FMN1: variants seen among roughly 807,000 people sequenced by gnomAD.
The protein encoded by FMN1 is formin 1.
Under a neutral mutation model 132.4 loss-of-function variants are expected in FMN1, and 110 were observed. The observed-to-expected ratio is 0.83, with a 90% CI of 0.71 to 0.97. FMN1 has a LOEUF of 0.97. FMN1 is among the 50% of genes least tolerant of loss of function. FMN1 has a pLI of 0.00. For synonymous variants in FMN1, 722 were observed against 651.7 expected (o/e 1.11, Z -1.64); for missense variants, 1,792 against 1,705.3 (o/e 1.05, Z -0.90).
intron 6 of FMN1, among the ~76,000 whole-genome samples, chr15:33,039,606 C>T (rs2036336994): frequency 6.6e-6 from 1 of 152,184 alleles, no homozygotes; most frequent in South Asian, 2.1e-4. Context: ...TTAAGCCCTA[C>T]ATCTGCCCCA....
chr15:33,103,217 A>G (rs1595476075), intron 4 of FMN1, among the ~76,000 whole-genome samples: 1 of 152,092 alleles, frequency 6.6e-6, no homozygotes, highest in East Asian at 1.9e-4. Flanking sequence ...AACACTTACT[A>G]TTGAGCTTAG....
intron 4 of FMN1, among the ~76,000 whole-genome samples, chr15:33,143,756 C>T (rs1185227435): frequency 1.3e-5 from 2 of 152,134 alleles, no homozygotes; most frequent in Non-Finnish European, 2.9e-5. Context: ...TAATTAAAGT[C>T]AACAATCATA....
intron 7 of FMN1, among the ~76,000 whole-genome samples, chr15:32,992,514 T>C (rs1367612609): frequency 6.6e-6 from 1 of 152,162 alleles, no homozygotes; most frequent in East Asian, 1.9e-4. Context: ...AATTTATTCA[T>C]CAATGGCAGA....
intron 4 of FMN1, chr15:33,151,325 C>G (rs553169764): frequency 6.5e-7 from 1 of 1,536,472 alleles, no homozygotes; most frequent in African/African-American, 1.4e-5. Context: ...ACAGGAGATG[C>G]TTACAGTTCT....
chr15:32,855,276 C>A (rs1446921795), intron 17 of FMN1, among the ~76,000 whole-genome samples: 3 of 150,012 alleles, frequency 2.0e-5, no homozygotes, highest in Non-Finnish European at 4.4e-5. Flanking sequence ...TTTAAAAAAT[C>A]TCCTAAGTGA....
At chr15:32,779,664 G>A (rs1480330186) in intron 19 of FMN1, among the ~76,000 whole-genome samples, 1 of 152,134 alleles carries the variant, frequency 6.6e-6, no homozygotes, top group African/African-American at 2.4e-5. Flanking sequence ...TGATATATGA[G>A]AATAGCAAAT....
chr15:33,181,701 T>C (rs987869411), intron 2 of FMN1, among the ~76,000 whole-genome samples: 1 of 143,474 alleles, frequency 7.0e-6, no homozygotes, highest in Admixed American at 7.0e-5. Context: ...CTTTTCTTTT[T>C]TCTTTCTTTT....
intron 16 of FMN1, among the ~76,000 whole-genome samples, chr15:32,870,403 G>A (rs1379217799): frequency 6.6e-6 from 1 of 152,184 alleles, no homozygotes; most frequent in Non-Finnish European, 1.5e-5. Context: ...CTCCACTGAG[G>A]GAGGCTGCCC....
chr15:33,067,842 C>G (rs1027678435), intron 5 of FMN1: 2 of 1,613,740 alleles, frequency 1.2e-6, no homozygotes, highest in African/African-American at 2.7e-5. Flanking sequence ...TTTGCTGGTT[C>G]TGACACATCA....
intron 6 of FMN1, among the ~76,000 whole-genome samples, chr15:33,008,970 T>C (rs182843380): frequency 2.0e-5 from 3 of 152,224 alleles, no homozygotes; most frequent in Non-Finnish European, 4.4e-5. Flanking sequence ...GCCAGGCTAT[T>C]TCTCCAAGTA....
At chr15:33,043,077 G>A (rs1274846287) in intron 6 of FMN1, among the ~76,000 whole-genome samples, 2 of 152,202 alleles carry the variant, frequency 1.3e-5, no homozygotes, top group African/African-American at 2.4e-5. Flanking sequence ...TGCGAAAATG[G>A]TAGGCATTGG....
chr15:32,851,552 T>C (rs1046584111), intron 17 of FMN1, among the ~76,000 whole-genome samples: 2 of 152,126 alleles, frequency 1.3e-5, no homozygotes, highest in Admixed American at 6.6e-5. Context: ...AACAAGAGCC[T>C]AGTGTGGAAA....
intron 7 of FMN1, among the ~76,000 whole-genome samples, chr15:32,970,140 A>G (rs1402135690): frequency 6.6e-6 from 1 of 152,216 alleles, no homozygotes; most frequent in Non-Finnish European, 1.5e-5. Context: ...ACAGCACTTT[A>G]AAGTATATAA....
At chr15:32,910,198 A>G (rs1029570677) in intron 11 of FMN1, among the ~76,000 whole-genome samples, 32 of 152,342 alleles carry the variant, frequency 2.1e-4, no homozygotes, top group African/African-American at 7.0e-4. Flanking sequence ...CTTGGCCAGC[A>G]AGTGACAGGA....
rs2056205078 is a variant in FMN1, at chr15:32,770,710, G to A, written c.*3600C>T. On this transcript the variant is annotated 3_prime_UTR_variant, in exon 21 of 21. Transcript: ENST00000616417. ...CTACTGTCCTTGATAGGGGAGGGGA[G>A]GGGAGACTGCATGCCATCTGATATT... 6.6e-6 allele frequency: 1 copy of A among 152,158 alleles called. No individual in the cohort carries two copies. The highest frequency in any genetic ancestry group is 2.1e-4 in the South Asian group (1 of 4,838). 9.4% of individuals were successfully genotyped at this position (152,158 alleles called of 1,614,324 possible).
At chr15:33,188,898 T>A (rs1965980987) in intron 2 of FMN1, among the ~76,000 whole-genome samples, 1 of 152,176 alleles carries the variant, frequency 6.6e-6, no homozygotes, top group African/African-American at 2.4e-5. Context: ...CATCTCAGTT[T>A]TCTCCACTGT....
chr15:32,959,080 T>C (rs1040909097), intron 9 of FMN1, among the ~76,000 whole-genome samples: 1 of 151,502 alleles, frequency 6.6e-6, no homozygotes, highest in Non-Finnish European at 1.5e-5. Flanking sequence ...CATATTCACG[T>C]TTCAATGCTG....
chr15:33,119,579 A>C (rs536649322), intron 4 of FMN1, among the ~76,000 whole-genome samples: 1 of 152,308 alleles, frequency 6.6e-6, no homozygotes, highest in South Asian at 2.1e-4. Context: ...TTTCTGTAAA[A>C]AACCAGCACT....
At chr15:32,951,406 A>C (rs1596332542) in intron 9 of FMN1, among the ~76,000 whole-genome samples, 1 of 148,402 alleles carries the variant, frequency 6.7e-6, no homozygotes, top group East Asian at 2.0e-4. Context: ...CTTTAACTGC[A>C]TAGCTGCGCC....
Sources: gnomAD v4.1 joint callset for allele counts (sites outside exome capture counted in the v4.1 genomes callset) on GRCh38, gnomAD v4.1.1 for gene constraint, MANE v1.5 for transcripts, NCBI Gene and HGNC (gene_info 2026-07-23, HGNC 2026-07-21) for gene names.